The following DENND1B variants were observed in gnomAD, a reference collection of about 807,000 sequenced individuals.
DENND1B encodes the protein DENN domain-containing protein 1B.
In DENND1B, 59 loss-of-function variants were observed where a neutral mutation model predicts 90.1. The ratio of observed to expected loss-of-function variants is 0.65; its 90% CI spans 0.53 to 0.81. The LOEUF is 0.81. DENND1B is among the 40% of genes least tolerant of loss of function. The pLI is 0.00. For synonymous variants in DENND1B, 337 were observed against 324.6 expected (o/e 1.04, Z -0.41); for missense variants, 862 against 912.6 (o/e 0.94, Z 0.71).
At chr1:197,670,865 A>C (rs572292017) in intron 5 of DENND1B, among the ~76,000 whole-genome samples, 1 of 152,272 alleles carries the variant, frequency 6.6e-6, no homozygotes, top group African/African-American at 2.4e-5. Context: ...TACAGTTTTA[A>C]GCATGACATT....
chr1:197,606,939 A>G (rs1676735273), intron 13 of DENND1B, 134 bp downstream of exon 13: 3 of 646,506 alleles, frequency 4.6e-6, no homozygotes, highest in Non-Finnish European at 8.1e-6. Context: ...TAGAATCAAC[A>G]TTGATTTCTC....
intron 6 of DENND1B, among the ~76,000 whole-genome samples, chr1:197,657,108 C>G (rs574788999): frequency 6.6e-6 from 1 of 152,146 alleles, no homozygotes; most frequent in Admixed American, 6.5e-5. Flanking sequence ...TCAAACAATA[C>G]TATCAAAAGA....
intron 14 of DENND1B, among the ~76,000 whole-genome samples, chr1:197,591,471 T>C (rs1675197821): frequency 1.3e-5 from 2 of 152,206 alleles, no homozygotes; most frequent in South Asian, 4.1e-4. Flanking sequence ...AAGAGAAAAA[T>C]AGACAAATCA....
intron 2 of DENND1B, chr1:197,735,204 T>C: frequency 9.7e-7 from 1 of 1,034,238 alleles, no homozygotes; most frequent in South Asian, 3.7e-5. Flanking sequence ...TGCCTACCAT[T>C]GAGTATCTTT....
At chr1:197,562,668 C>T (rs1189707460) in intron 15 of DENND1B, among the ~76,000 whole-genome samples, 2 of 151,736 alleles carry the variant, frequency 1.3e-5, no homozygotes, top group East Asian at 3.9e-4. Context: ...CTTTCCTATT[C>T]CCTAATTAAT....
Position 197,658,328 on chromosome 1 carries a change from G to T in DENND1B, c.338C>A (p.Thr113Asn). The change falls in exon 6 of 23, where the codon ACT (threonine) becomes AAT (asparagine). Residue 113 changes from threonine to asparagine, a missense_variant. By Grantham distance (65) the Thr-to-Asn change is moderately conservative (BLOSUM62 0). Coordinates refer to ENST00000620048, the MANE Select transcript of DENND1B (RefSeq NM_001195215.2). ...TTCCTTAGCCAAGTAATCTGCAAGAGTATTTAGAAGCTTGTAATACACTTC... is the reference window on the plus strand; with the variant it reads ...TTCCTTAGCCAAGTAATCTGCAAGATTATTTAGAAGCTTGTAATACACTTC... ...WFEVYYKLLNTLADYLAKELE... is the reference protein window; with the variant it reads ...WFEVYYKLLNNLADYLAKELE... 1 of 1,610,626 alleles carries T rather than the reference G, an allele frequency of 6.2e-7. No homozygotes were observed. Among genetic ancestry groups the T allele is most frequent in the African/African-American group, 1.3e-5 (1 of 74,962 alleles).
chr1:197,622,046 A>G (rs1678219315), intron 10 of DENND1B, among the ~76,000 whole-genome samples: 1 of 151,402 alleles, frequency 6.6e-6, no homozygotes. Context: ...GAGAAGGGAC[A>G]AGAACTAATG....
intron 3 of DENND1B, among the ~76,000 whole-genome samples, chr1:197,694,237 C>T (rs976154205): frequency 6.6e-6 from 1 of 151,170 alleles, no homozygotes; most frequent in African/African-American, 2.4e-5. Context: ...AAAAATTCCC[C>T]TAAAAGTCAT....
chr1:197,703,789 T>A (rs1292703058), intron 3 of DENND1B, among the ~76,000 whole-genome samples: 4 of 152,232 alleles, frequency 2.6e-5, no homozygotes, highest in Non-Finnish European at 5.9e-5. Context: ...AATTTGAATA[T>A]TCACACTTTT....
Position 197,751,972 on chromosome 1 carries a change from AG to A in DENND1B, c.82+20895del, listed in dbSNP as rs1558480502. 9.9e-4 allele frequency among the ~76,000 whole-genome samples: 93 copies of A among 94,364 alleles called. No individual in the cohort carries two copies. The East Asian group carries it at 0.034, about 34-fold the overall frequency. 61.9% of individuals were successfully genotyped at this position (94,364 alleles called of 152,430 possible). On this transcript the variant is annotated intron_variant, in intron 2 of 22. Coordinates refer to ENST00000620048, the MANE Select transcript of DENND1B (RefSeq NM_001195215.2). ...GGAGGAGGAAGGGGGGAGGAGGAGG[AG>A]AAGGAGAAGAAGAAGAAGAAGAAGT...
intron 2 of DENND1B, among the ~76,000 whole-genome samples, chr1:197,753,652 T>C (rs1425977053): frequency 1.3e-5 from 2 of 152,016 alleles, no homozygotes; most frequent in Admixed American, 6.6e-5. Flanking sequence ...GGGCAAGTGA[T>C]ATATGGGAAA....
At chr1:197,603,836 G>T (rs907575619) in intron 13 of DENND1B, among the ~76,000 whole-genome samples, 1 of 151,054 alleles carries the variant, frequency 6.6e-6, no homozygotes, top group Non-Finnish European at 1.5e-5. Context: ...ATTCTATATA[G>T]ATTTGGAATA....
intron 2 of DENND1B, among the ~76,000 whole-genome samples, chr1:197,756,973 T>C (rs1257333194): frequency 1.3e-5 from 2 of 150,512 alleles, no homozygotes; most frequent in African/African-American, 4.9e-5. Context: ...TATGCCATTA[T>C]ATGTTAAATA....
chr1:197,515,894 C>T (rs1476199512), intron 20 of DENND1B, among the ~76,000 whole-genome samples: 1 of 151,788 alleles, frequency 6.6e-6, no homozygotes, highest in East Asian at 1.9e-4. Context: ...GTTGCAAGTC[C>T]CTTGTTCATT....
chr1:197,600,926 C>T (rs910983251), intron 13 of DENND1B, among the ~76,000 whole-genome samples: 1 of 151,594 alleles, frequency 6.6e-6, no homozygotes, highest in African/African-American at 2.4e-5. Context: ...CTTGAGCCCC[C>T]GAGAATTTAT....
chr1:197,642,327 T>G (rs921380769), intron 10 of DENND1B, among the ~76,000 whole-genome samples: 1 of 152,190 alleles, frequency 6.6e-6, no homozygotes, highest in African/African-American at 2.4e-5. Context: ...CAGGTTAGGA[T>G]AGCAGCTATT....
intron 8 of DENND1B, 26 bp downstream of exon 8, chr1:197,647,029 T>C (rs1169027612): frequency 2.1e-6 from 3 of 1,456,850 alleles, no homozygotes; most frequent in Non-Finnish European, 2.7e-6. Context: ...TAGTGATTTT[T>C]AGAAGCCAAT....
chr1:197,597,447 C>T (rs1415879603), intron 13 of DENND1B, among the ~76,000 whole-genome samples: 3 of 151,478 alleles, frequency 2.0e-5, no homozygotes, highest in Non-Finnish European at 4.4e-5. Context: ...AATTAAAATG[C>T]ACCTTACATC....
upstream of DENND1B, among the ~76,000 whole-genome samples, chr1:197,778,550 G>A (rs1571719322): frequency 1.3e-5 from 2 of 152,064 alleles, no homozygotes; most frequent in East Asian, 3.9e-4. Context: ...GGTGGTGCAA[G>A]CCTGTAGTCC....
Sources: gnomAD v4.1 joint callset for allele counts (sites outside exome capture counted in the v4.1 genomes callset) on GRCh38, gnomAD v4.1.1 for gene constraint, MANE v1.5 for transcripts, NCBI Gene and HGNC (gene_info 2026-07-23, HGNC 2026-07-21) for gene names.